The following ZC3H7A variants were observed in gnomAD, a reference collection of about 807,000 sequenced individuals.
ZC3H7A encodes zinc finger CCCH-type containing 7A.
Under a neutral mutation model 125.5 loss-of-function variants are expected in ZC3H7A, and 44 were observed. The ratio of observed to expected loss-of-function variants is 0.35; its 90% CI spans 0.28 to 0.45. ZC3H7A has a LOEUF of 0.45. Ranked by LOEUF, ZC3H7A falls within the 20% of genes least tolerant of loss-of-function variation. ZC3H7A has a pLI of 1.00. For missense variants in ZC3H7A, 977 were observed against 1,170.7 expected, an observed-to-expected ratio of 0.83 and a Z score of 2.41; for synonymous variants, 399 against 391.2, an observed-to-expected ratio of 1.02 and a Z score of -0.23.
intron 4 of ZC3H7A, among the ~76,000 whole-genome samples, chr16:11,778,352 G>C (rs1243137774): frequency 3.4e-5 from 5 of 145,592 alleles, no homozygotes; most frequent in African/African-American, 7.6e-5. Context: ...CAGGAAAATT[G>C]CTTGAACCCA....
intron 1 of ZC3H7A, among the ~76,000 whole-genome samples, chr16:11,791,920 T>C (rs548914329): frequency 1.3e-5 from 2 of 152,304 alleles, no homozygotes; most frequent in Non-Finnish European, 2.9e-5. Flanking sequence ...TGTTTTTTTG[T>C]TTTGTCTTTG....
chr16:11,782,475 A>T, intron 1 of ZC3H7A, 87 bp from the exon 2 acceptor site: 1 of 1,110,138 alleles, frequency 9.0e-7, no homozygotes, highest in Non-Finnish European at 1.4e-6. Context: ...ACCTTGTCAC[A>T]CAATCAGCTG....
Position 11,762,669 on chromosome 16 carries a change from AC to A in ZC3H7A, c.2079+1del, listed in dbSNP as rs1327620806. 1 of 1,613,828 alleles carries A rather than the reference AC, an allele frequency of 6.2e-7. No homozygotes were observed. The highest frequency in any genetic ancestry group is 1.3e-5 in the African/African-American group (1 of 74,936). ...TGCAGAAAGTACACAAGAGAAAAATACCTGCGCTCCAGGTACATTTGCTTCC... is the reference window on the plus strand; with the variant it reads ...TGCAGAAAGTACACAAGAGAAAAATACTGCGCTCCAGGTACATTTGCTTCC... On this transcript the variant is annotated splice_donor_variant, in intron 17 of 22. Coordinates refer to ENST00000355758, the MANE Select transcript of ZC3H7A (RefSeq NM_014153.4). LOFTEE classifies it high-confidence loss of function.
chr16:11,783,568 G>T (rs1429075), intron 1 of ZC3H7A, among the ~76,000 whole-genome samples: 15 of 152,212 alleles, frequency 9.9e-5, no homozygotes, highest in Middle Eastern at 3.4e-3. Context: ...ACAACCAAAA[G>T]TGTCTCCAGA....
chr16:11,764,684 T>C (rs1361456479), intron 15 of ZC3H7A, among the ~76,000 whole-genome samples: 1 of 152,152 alleles, frequency 6.6e-6, no homozygotes, highest in African/African-American at 2.4e-5. Flanking sequence ...ATCATGCCAC[T>C]GCACTTCAGC....
intron 17 of ZC3H7A, among the ~76,000 whole-genome samples, chr16:11,762,385 C>T (rs2052767240): frequency 1.3e-5 from 2 of 151,990 alleles, no homozygotes; most frequent in South Asian, 4.1e-4. Context: ...ATAATCTAAC[C>T]CCCTTACTCC....
At chr16:11,751,577 C>G in intron 22 of ZC3H7A, 71 bp from the exon 23 acceptor site, 4 of 1,450,642 alleles carry the variant, frequency 2.8e-6, no homozygotes, top group Admixed American at 2.3e-5. Flanking sequence ...ATTCTTGAAA[C>G]TGTATATTTC....
At chr16:11,778,498 G>GT (rs1427006584) in intron 4 of ZC3H7A, among the ~76,000 whole-genome samples, 1 of 142,390 alleles carries the variant, frequency 7.0e-6, no homozygotes, top group Non-Finnish European at 1.5e-5. Flanking sequence ...TGTTTTACAA[G>GT]ATCAACTGGA....
Position 11,768,306 on chromosome 16 carries a change from G to C in ZC3H7A, c.1360+9C>G. The C allele has an allele frequency of 6.8e-7, 1 of 1,475,980 alleles. No homozygotes were observed. Among genetic ancestry groups the C allele is most frequent in the Non-Finnish European group, 9.1e-7 (1 of 1,100,612 alleles). 91.4% of individuals were successfully genotyped at this position (1,475,980 alleles called of 1,614,324 possible). A position where few individuals can be genotyped will look rare whatever the true frequency, so the allele number is the denominator to read the frequency against. On this transcript the variant is annotated intron_variant, in intron 12 of 22. Coordinates refer to ENST00000355758, the MANE Select transcript of ZC3H7A (RefSeq NM_014153.4). ...TTTAATACTCTCTGCGTGTTTGTTT[G>C]GTCCTGACCTGATTTTACAAAACAG...
In ZC3H7A at chr16:11,765,017, T is replaced by C. The variant is rs370629503; in HGVS notation, c.1820+36A>G. 1.4e-6 allele frequency: 2 copies of C among 1,387,192 alleles called. No homozygotes were observed. The highest frequency in any genetic ancestry group is 9.9e-7 in the Non-Finnish European group (1 of 1,005,514). 85.9% of individuals were successfully genotyped at this position (1,387,192 alleles called of 1,614,324 possible). ...TATTCAGATCTAGAAAAAGAATCTA[T>C]TTTGTCATTACAGAAATTAGAAACT... On this transcript the variant is annotated intron_variant, in intron 15 of 22. Coordinates refer to ENST00000355758, the MANE Select transcript of ZC3H7A (RefSeq NM_014153.4). This position sits in a 1 kb window ranked among gnomAD's most constrained non-coding sequence, Gnocchi z 4.8.
chr16:11,751,391 G>T lies in ZC3H7A; in HGVS notation c.2842C>A (p.Arg948=), dbSNP rs1396259833. The T allele has an allele frequency of 1.2e-6, 2 of 1,613,850 alleles. No individual in the cohort carries two copies. The highest frequency in any genetic ancestry group is 2.7e-5 in the African/African-American group (2 of 74,868). ...TTTGGGCCAATTAAGTGATCTTTTC[G>T]TGCTTTGTTGAGCTTCATCTTTAGG... The part of the protein sequence containing the change: ...DALKMKLNKA[R]KDHLIGPNDN... Residue 948 remains arginine, a synonymous_variant, in exon 23 of 23, where the codon CGA becomes AGA. Transcript: ENST00000355758.
chr16:11,792,513 C>T (rs1429688052), intron 1 of ZC3H7A, among the ~76,000 whole-genome samples: 4 of 152,210 alleles, frequency 2.6e-5, no homozygotes, highest in Non-Finnish European at 5.9e-5. Context: ...TAGAAACTAG[C>T]TCACATTAAC....
chr16:11,778,489 GT>G (rs2053121594), intron 4 of ZC3H7A, among the ~76,000 whole-genome samples: 1 of 148,158 alleles, frequency 6.7e-6, no homozygotes, highest in Non-Finnish European at 1.5e-5. Context: ...TACCAAGAGT[GT>G]TTTACAAGAT....
In ZC3H7A at chr16:11,768,619, A is replaced by C. The variant is rs1002995667; in HGVS notation, c.1174-118T>G. 10 of 888,678 alleles carry C rather than the reference A, an allele frequency of 1.1e-5. 1 individual carries two copies. The South Asian group carries it at 2.8e-4, about 25-fold the overall frequency. The allele number at this position is 888,678 out of a possible 1,614,324, so 55.0% of individuals were successfully genotyped here. On this transcript the variant is annotated intron_variant, in intron 11 of 22. Transcript: ENST00000355758. Reference sequence around the variant, plus strand: ...ATAATCTTCATAAACTGAGGTCAGTACTACTCCATCCTTAATGCTCTTCTA... The same window carrying C: ...ATAATCTTCATAAACTGAGGTCAGTCCTACTCCATCCTTAATGCTCTTCTA...
rs773059766 is a variant in ZC3H7A, at chr16:11,756,264, G to T, written c.2535C>A (p.His845Gln). The T allele has an allele frequency of 6.2e-7, 1 of 1,614,114 alleles. No individual in the cohort carries two copies. The highest frequency in any genetic ancestry group is 1.1e-5 in the South Asian group (1 of 91,044). ...TAACTTCAGCATAATCTGTTGGCATGTGAATTTGTTTTCCATTTTCCTTGT... is the reference window on the plus strand; with the variant it reads ...TAACTTCAGCATAATCTGTTGGCATTTGAATTTGTTTTCCATTTTCCTTGT... ...QSNKENGKQI[H>Q]MPTDYAEVTV... Residue 845 changes from histidine to glutamine, a missense_variant, in exon 21 of 23, where the codon CAC (histidine) becomes CAA (glutamine). By Grantham distance (24) the His-to-Gln change is conservative (BLOSUM62 0). Coordinates refer to ENST00000355758, the MANE Select transcript of ZC3H7A (RefSeq NM_014153.4).
At position 11,765,445 on chromosome 16, in the gene ZC3H7A, G is replaced by A. The variant is rs986160719; in HGVS notation, c.1719+44C>T. On this transcript the variant is annotated intron_variant, in intron 14 of 22. Coordinates refer to ENST00000355758, the MANE Select transcript of ZC3H7A (RefSeq NM_014153.4). This position sits in a 1 kb window ranked among gnomAD's most constrained non-coding sequence, Gnocchi z 4.8. Reference sequence around the variant, plus strand: ...ATGGCAGGACAATACCACTGGGCTTGCAAATTCAACTTTACAGTGGAAAAT... The same window carrying A: ...ATGGCAGGACAATACCACTGGGCTTACAAATTCAACTTTACAGTGGAAAAT... 3.5e-5 allele frequency: 53 copies of A among 1,523,370 alleles called. No homozygotes were observed. The highest frequency in any genetic ancestry group is 6.9e-5 in the East Asian group (3 of 43,512). The allele number at this position is 1,523,370 out of a possible 1,614,324, so 94.4% of individuals were successfully genotyped here. A position where few individuals can be genotyped will look rare whatever the true frequency, so the allele number is the denominator to read the frequency against.
Position 11,769,049 on chromosome 16 carries a change from A to G in ZC3H7A, c.1155T>C (p.Ser385=). The part of the protein sequence containing the change: ...TSREGTPLNN[S]NSSLLLMNGP... ...CACTTACAAGTAAAAGGGAAGAATT[A>G]CTGTTGTTAAGCGGTGTTCCCTCTC... Residue 385 remains serine, a synonymous_variant, in exon 11 of 23, where the codon AGT becomes AGC. Transcript: ENST00000355758. The G allele has an allele frequency of 6.2e-7, 1 of 1,609,706 alleles. No individual in the cohort carries two copies.
At chr16:11,775,139 G>A (rs11859102) in intron 7 of ZC3H7A, 126 bp from the exon 8 acceptor site, 19 of 902,684 alleles carry the variant, frequency 2.1e-5, no homozygotes, top group South Asian at 4.4e-5. Context: ...TGGGGAGGCC[G>A]AGACAGGCAG....
chr16:11,795,697 A>G (rs2053425882), intron 1 of ZC3H7A, among the ~76,000 whole-genome samples: 3 of 152,152 alleles, frequency 2.0e-5, no homozygotes, highest in African/African-American at 7.2e-5. Context: ...TCGGCCTCCC[A>G]AAGTGCTGGG....
Sources: gnomAD v4.1 joint callset for allele counts (sites outside exome capture counted in the v4.1 genomes callset) on GRCh38, gnomAD v4.1.1 for gene constraint, Gnocchi (gnomAD v3.1) non-coding constraint, MANE v1.5 for transcripts, NCBI Gene and HGNC (gene_info 2026-07-23, HGNC 2026-07-21) for gene names.